EXOSC10: variants seen among roughly 807,000 people sequenced by gnomAD.
EXOSC10 encodes exosome component 10.
Under a neutral mutation model 126.6 loss-of-function variants are expected in EXOSC10, and 94 were observed. That is an observed-to-expected ratio of 0.74 (90% CI 0.63 to 0.88). The LOEUF (loss-of-function observed/expected upper bound fraction) is 0.88. Among genes scored for constraint, EXOSC10 ranks in the 40% least tolerant of loss-of-function variants. The pLI, the probability that EXOSC10 is intolerant of heterozygous loss-of-function variation, is 0.00. For missense variants in EXOSC10, 1,041 were observed against 1,100.5 expected, an observed-to-expected ratio of 0.95 and a Z score of 0.77; for synonymous variants, 395 against 400.8, an observed-to-expected ratio of 0.99 and a Z score of 0.17.
At chr1:11,080,388 A>G in intron 13 of EXOSC10, 111 bp downstream of exon 13, 1 of 1,332,250 alleles carries the variant, frequency 7.5e-7, no homozygotes, top group Non-Finnish European at 1.1e-6. Context: ...AGCTTGGAGC[A>G]TTAATCTCTG....
chr1:11,067,159 C>T (rs188907730), intron 24 of EXOSC10, among the ~76,000 whole-genome samples: 81 of 152,246 alleles, frequency 5.3e-4, no homozygotes, highest in Admixed American at 2.0e-3. Context: ...AGGCCGGGCG[C>T]GGTGGCTCAC....
At chr1:11,091,343 G>A (rs779134514) in intron 4 of EXOSC10, 150 bp downstream of exon 4, 3 of 889,908 alleles carry the variant, frequency 3.4e-6, no homozygotes, top group Non-Finnish European at 3.4e-6. Context: ...AGAAGAGGGT[G>A]TAATTAGTTT....
At chr1:11,070,738 C>T (rs943885478) in intron 21 of EXOSC10, 162 bp downstream of exon 21, 61 of 626,206 alleles carry the variant, frequency 9.7e-5, no homozygotes, top group Non-Finnish European at 1.5e-4. Flanking sequence ...GTGGAGGTTT[C>T]GGAAATGAGG....
intron 9 of EXOSC10, among the ~76,000 whole-genome samples, chr1:11,083,665 T>C (rs867153300): frequency 6.6e-6 from 1 of 151,978 alleles, no homozygotes; most frequent in Non-Finnish European, 1.5e-5. Context: ...TTAGGGTACA[T>C]GTGCACAATG....
chr1:11,073,533 G>A (rs1349645325), intron 19 of EXOSC10, among the ~76,000 whole-genome samples: 1 of 152,154 alleles, frequency 6.6e-6, no homozygotes, highest in East Asian at 1.9e-4. Context: ...ATTCACAGAT[G>A]AGATAGGCTT....
In EXOSC10 at chr1:11,066,736, G is replaced by A. The variant is rs1370949520; in HGVS notation, c.2640C>T (p.Tyr880=). 2 of 1,614,222 alleles carry A rather than the reference G, an allele frequency of 1.2e-6. No individual in the cohort carries two copies. Residue 880 remains tyrosine (Y), a synonymous_variant, in exon 25 of 25, where the codon TAC becomes TAT. Transcript: ENST00000376936. The part of the protein sequence containing the change: ...PTGKSDRGFR[Y]NWPQR ...TCCAGGACTATCTCTGTGGCCAGTTGTACCTGAAGCCTCTGCAGAGAGTAC... is the reference window on the plus strand; with the variant it reads ...TCCAGGACTATCTCTGTGGCCAGTTATACCTGAAGCCTCTGCAGAGAGTAC...
chr1:11,071,202 TGCTC>T (rs1335630345), intron 20 of EXOSC10: 1 of 532,138 alleles, frequency 1.9e-6, no homozygotes, highest in African/African-American at 1.9e-5. Flanking sequence ...CAGCCCTGCC[TGCTC>T]CTCTTCTGTG....
At chr1:11,075,405 T>A (rs991147252) in intron 17 of EXOSC10, among the ~76,000 whole-genome samples, 1 of 152,204 alleles carries the variant, frequency 6.6e-6, no homozygotes, top group Non-Finnish European at 1.5e-5. Flanking sequence ...AAATATGTGC[T>A]ATCCTTTTGC....
chr1:11,068,564 A>G, intron 23 of EXOSC10, 81 bp downstream of exon 23: 1 of 1,042,834 alleles, frequency 9.6e-7, no homozygotes, highest in Non-Finnish European at 1.5e-6. Flanking sequence ...GGACTCCTGG[A>G]TGGGCCTGTC....
At chr1:11,070,390 G>T (rs919436608) in intron 21 of EXOSC10, among the ~76,000 whole-genome samples, 3 of 151,776 alleles carry the variant, frequency 2.0e-5, no homozygotes, top group African/African-American at 7.3e-5. Flanking sequence ...GGGAATGGTG[G>T]TGTGTGCCTG....
chr1:11,083,761 A>T (rs1330054427), intron 9 of EXOSC10, among the ~76,000 whole-genome samples: 2 of 152,014 alleles, frequency 1.3e-5, no homozygotes, highest in African/African-American at 4.8e-5. Flanking sequence ...ATATCTCCCA[A>T]TGCTATCCCT....
rs780579497 is a variant in EXOSC10 at position 11,099,827 on chromosome 1, G to A, written c.5C>T (p.Ala2Val). Reference protein sequence around the residue: MAPPSTREPRVL... With the variant: MVPPSTREPRVL... ...CCTGGGCTCCCGGGTACTGGGTGGC[G>A]CCATTTTTTCAGCCTGCACGGCTCG... is the stretch of plus-strand genomic sequence containing the variant. The change falls in exon 1 of 25, where the codon GCG becomes GTG. Residue 2 changes from alanine (A) to valine (V), a missense_variant. Transcript: ENST00000376936. The A allele has an allele frequency of 2.5e-6, 4 of 1,604,344 alleles. No homozygotes were observed. In the Admixed American group the frequency reaches 5.1e-5, roughly 21 times the overall value.
chr1:11,075,034 T>G lies in EXOSC10; in HGVS notation c.1987-708A>C, dbSNP rs544933014. Among the ~76,000 whole-genome samples the G allele has an allele frequency of 7.9e-5, 12 of 152,276 alleles. No individual in the cohort carries two copies. The South Asian group carries it at 1.2e-3, about 16-fold the overall frequency. On this transcript the variant is annotated intron_variant, in intron 17 of 24. Transcript: ENST00000376936. ...TGATGCCTGAAATTTATTTTATGTATGTATGTATTATTTTTTTGAGTGGAG... is the reference window on the plus strand; with the variant it reads ...TGATGCCTGAAATTTATTTTATGTAGGTATGTATTATTTTTTTGAGTGGAG...
chr1:11,094,289 C>CT (rs1465238755), intron 3 of EXOSC10, among the ~76,000 whole-genome samples: 4 of 150,354 alleles, frequency 2.7e-5, no homozygotes, highest in Admixed American at 6.6e-5. Flanking sequence ...GAATAAGGCA[C>CT]TTTAACTTTT....
chr1:11,072,031 G>T, intron 20 of EXOSC10, 56 bp downstream of exon 20: 1 of 1,406,344 alleles, frequency 7.1e-7, no homozygotes, highest in Non-Finnish European at 1.0e-6. Context: ...TGAAACAGCG[G>T]GTGTGCAACA....
Position 11,099,864 on chromosome 1 carries a change from C to T in EXOSC10, c.-33G>A, listed in dbSNP as rs765064395. The T allele has an allele frequency of 1.3e-5, 20 of 1,566,012 alleles. No individual in the cohort carries two copies. Among genetic ancestry groups the T allele is most frequent in the Admixed American group, 1.9e-5 (1 of 52,174 alleles). ...GCCTGCACGGCTCGTCTCGCGAGAG[C>T]TTGTCGGCCGAGGAGACGGGACGCG... On this transcript the variant is annotated 5_prime_UTR_variant, in exon 1 of 25. Transcript: ENST00000376936.
chr1:11,098,330 A>T (rs1641231001), intron 1 of EXOSC10, among the ~76,000 whole-genome samples, 174 bp from the exon 2 acceptor site: 1 of 152,234 alleles, frequency 6.6e-6, no homozygotes, highest in African/African-American at 2.4e-5. Context: ...ACTGAACAGG[A>T]AACCAAGTTT....
chr1:11,070,732 AGG>A, intron 21 of EXOSC10, 166 bp downstream of exon 21: 1 of 612,680 alleles, frequency 1.6e-6, no homozygotes, highest in Non-Finnish European at 2.9e-6. Flanking sequence ...AATCTTGTGG[AGG>A]TTTCGGAAAT....
At chr1:11,069,395 C>T (rs1183236508) in intron 22 of EXOSC10, among the ~76,000 whole-genome samples, 164 bp downstream of exon 22, 4 of 152,092 alleles carry the variant, frequency 2.6e-5, no homozygotes, top group East Asian at 1.9e-4. Flanking sequence ...AGGCTGCAGG[C>T]GACTGTCCAC....
Sources: allele counts gnomAD v4.1 joint callset (sites outside exome capture counted in the v4.1 genomes callset), GRCh38; gene constraint gnomAD v4.1.1; transcripts MANE v1.5; gene names NCBI Gene and HGNC (gene_info 2026-07-23, HGNC 2026-07-21).